LHFPL3: variants seen among roughly 807,000 people sequenced by gnomAD.
The protein encoded by LHFPL3 is LHFPL tetraspan subfamily member 3 protein.
LHFPL3 carries 5 observed loss-of-function variants against 19.3 expected under a neutral mutation model. That is an observed-to-expected ratio of 0.26 (90% CI 0.14 to 0.54). LHFPL3 has a LOEUF of 0.54. LHFPL3 is among the 20% of genes least tolerant of loss of function. LHFPL3 has a pLI of 0.94. For missense variants in LHFPL3, 249 were observed against 307.4 expected (o/e 0.81, Z 1.42); for synonymous variants, 133 against 126.2 (o/e 1.05, Z -0.36).
At chr7:104,578,708 AC>A (rs1790396181) in intron 1 of LHFPL3, among the ~76,000 whole-genome samples, 1 of 151,472 alleles carries the variant, frequency 6.6e-6, no homozygotes, top group Non-Finnish European at 1.5e-5. Context: ...GTACCCCCCT[AC>A]CCCCAACCAG....
intron 1 of LHFPL3, among the ~76,000 whole-genome samples, chr7:104,356,328 G>A (rs548346816): frequency 6.6e-6 from 1 of 152,226 alleles, no homozygotes; most frequent in South Asian, 2.1e-4. Context: ...CAAAGAAAGG[G>A]GTAACAACTT....
At chr7:104,647,679 T>C (rs1291190252) in intron 1 of LHFPL3, among the ~76,000 whole-genome samples, 4 of 152,268 alleles carry the variant, frequency 2.6e-5, no homozygotes, top group Non-Finnish European at 4.4e-5. Context: ...TTTAAAAACT[T>C]CACAGTGCAC....
intron 2 of LHFPL3, among the ~76,000 whole-genome samples, chr7:104,812,653 A>C (rs28648461): frequency 6.6e-6 from 1 of 150,554 alleles, no homozygotes; most frequent in Non-Finnish European, 1.5e-5. Flanking sequence ...AAATTACAAA[A>C]ATTAGCCAGG....
At chr7:104,588,123 A>T (rs1361984411) in intron 1 of LHFPL3, among the ~76,000 whole-genome samples, 1 of 152,176 alleles carries the variant, frequency 6.6e-6, no homozygotes, top group Non-Finnish European at 1.5e-5. Flanking sequence ...TAGTTTAATT[A>T]GATCCCATTT....
intron 1 of LHFPL3, among the ~76,000 whole-genome samples, chr7:104,726,089 C>T (rs1584499077): frequency 6.8e-6 from 1 of 147,278 alleles, no homozygotes; most frequent in Non-Finnish European, 1.5e-5. Context: ...CTCCCAAGTA[C>T]TTGTAATCTG....
intron 1 of LHFPL3, among the ~76,000 whole-genome samples, chr7:104,535,259 T>C (rs1356773242): frequency 6.6e-6 from 1 of 152,234 alleles, no homozygotes; most frequent in Admixed American, 6.5e-5. Context: ...TCACATTATA[T>C]AACTTGATGA....
chr7:104,528,690 G>C (rs1198863678), intron 1 of LHFPL3, among the ~76,000 whole-genome samples: 2 of 152,144 alleles, frequency 1.3e-5, no homozygotes, highest in Non-Finnish European at 2.9e-5. Context: ...AGTGTTCCCT[G>C]AGAATACCAA....
chr7:104,681,825 A>G (rs533387736), intron 1 of LHFPL3, among the ~76,000 whole-genome samples: 1 of 152,178 alleles, frequency 6.6e-6, no homozygotes, highest in Non-Finnish European at 1.5e-5. Context: ...AAGGGACAAC[A>G]CTAGGGTACA....
intron 1 of LHFPL3, among the ~76,000 whole-genome samples, chr7:104,485,441 AT>A (rs1793219526): frequency 6.6e-6 from 1 of 151,914 alleles, no homozygotes; most frequent in African/African-American, 2.4e-5. Context: ...TTTACCTAGG[AT>A]TTTTACATTG....
intron 1 of LHFPL3, among the ~76,000 whole-genome samples, chr7:104,384,304 T>A (rs1324512595): frequency 6.6e-6 from 1 of 152,172 alleles, no homozygotes; most frequent in Non-Finnish European, 1.5e-5. Flanking sequence ...GAATAATTAG[T>A]ATCTTTTTAG....
At chr7:104,398,205 T>C (rs1411130671) in intron 1 of LHFPL3, among the ~76,000 whole-genome samples, 1 of 152,200 alleles carries the variant, frequency 6.6e-6, no homozygotes, top group African/African-American at 2.4e-5. Context: ...GACCAACATC[T>C]TGTAACAAGT....
chr7:104,604,304 G>A (rs1244575077), intron 1 of LHFPL3, among the ~76,000 whole-genome samples: 1 of 152,186 alleles, frequency 6.6e-6, no homozygotes, highest in East Asian at 1.9e-4. Flanking sequence ...TCAGAGAGCA[G>A]TCTTGAGGCA....
intron 2 of LHFPL3, among the ~76,000 whole-genome samples, chr7:104,811,706 A>G (rs1790474429): frequency 6.6e-6 from 1 of 152,232 alleles, no homozygotes; most frequent in African/African-American, 2.4e-5. Flanking sequence ...GACAGAGGAC[A>G]TGCTGATGCT....
At chr7:104,369,988 A>G (rs1025949335) in intron 1 of LHFPL3, among the ~76,000 whole-genome samples, 1 of 152,248 alleles carries the variant, frequency 6.6e-6, no homozygotes. Context: ...TTTAACAAAA[A>G]TAATGTGATA....
At chr7:104,740,562 A>G (rs1793914602) in intron 2 of LHFPL3, among the ~76,000 whole-genome samples, 2 of 152,236 alleles carry the variant, frequency 1.3e-5, no homozygotes, top group South Asian at 4.1e-4. Flanking sequence ...TAATTGATTC[A>G]CAGTTCCACA....
At chr7:104,808,415 C>T (rs1389032643) in intron 2 of LHFPL3, among the ~76,000 whole-genome samples, 2 of 152,180 alleles carry the variant, frequency 1.3e-5, no homozygotes, top group African/African-American at 4.8e-5. Context: ...ACTGTCAGGG[C>T]TGGGATTTGA....
chr7:104,472,550 T>C (rs1792932349), intron 1 of LHFPL3, among the ~76,000 whole-genome samples: 2 of 152,208 alleles, frequency 1.3e-5, no homozygotes, highest in East Asian at 3.8e-4. Flanking sequence ...TACATGCATA[T>C]GTATGCAGGA....
intron 1 of LHFPL3, among the ~76,000 whole-genome samples, chr7:104,736,445 A>T (rs746456753): frequency 1.3e-5 from 2 of 152,042 alleles, no homozygotes; most frequent in African/African-American, 4.8e-5. Context: ...GTTTCTTTCA[A>T]TGTAGAGTGC....
chr7:104,891,148 T>G (rs984382068), intron 2 of LHFPL3, among the ~76,000 whole-genome samples: 3 of 151,712 alleles, frequency 2.0e-5, no homozygotes, highest in Non-Finnish European at 2.9e-5. Flanking sequence ...GGTTTCTTAC[T>G]CTGTTTTGTG....
Sources: gnomAD v4.1 joint callset for allele counts (sites outside exome capture counted in the v4.1 genomes callset) on GRCh38, gnomAD v4.1.1 for gene constraint, MANE v1.5 for transcripts, NCBI Gene and HGNC (gene_info 2026-07-23, HGNC 2026-07-21) for gene names.